The following CCDC171 variants were observed in gnomAD, a reference collection of about 807,000 sequenced individuals.
CCDC171 encodes coiled-coil domain-containing protein 171.
CCDC171 carries 177 observed loss-of-function variants against 168.2 expected under a neutral mutation model. That is an observed-to-expected ratio of 1.05 (90% CI 0.93 to 1.19). The LOEUF (loss-of-function observed/expected upper bound fraction) is 1.19, where lower values mean the gene tolerates loss of function less well. Ranked by LOEUF, CCDC171 falls within the 50% of genes most tolerant of loss-of-function variation. CCDC171 has a pLI of 0.00. For missense variants in CCDC171, 1,991 were observed against 1,539.0 expected, an observed-to-expected ratio of 1.29 and a Z score of -4.91; for synonymous variants, 687 against 540.8, an observed-to-expected ratio of 1.27 and a Z score of -3.75.
At chr9:15,778,672 A>G (rs1381028076) in intron 19 of CCDC171, among the ~76,000 whole-genome samples, 1 of 149,448 alleles carries the variant, frequency 6.7e-6, no homozygotes, top group East Asian at 1.9e-4. Flanking sequence ...AAAAGGCATG[A>G]CATTAGTGCT....
chr9:16,049,024 A>G (rs1034692581), intron 1 of CCDC171, among the ~76,000 whole-genome samples: 10 of 151,956 alleles, frequency 6.6e-5, no homozygotes, highest in African/African-American at 9.7e-5. Flanking sequence ...AAAAATTACA[A>G]TCCCTAAAGT....
chr9:15,887,216 CATT>C (rs1197907312), intron 24 of CCDC171, among the ~76,000 whole-genome samples: 1 of 152,056 alleles, frequency 6.6e-6, no homozygotes, highest in African/African-American at 2.4e-5. Context: ...TAAATAATCA[CATT>C]ATATCCCTTA....
chr9:15,571,521 G>C (rs920261673), intron 2 of CCDC171, 103 bp from the exon 3 acceptor site: 5 of 932,120 alleles, frequency 5.4e-6, no homozygotes, highest in Non-Finnish European at 1.6e-6. Flanking sequence ...ACCATGTCAT[G>C]TTCTCTTTGT....
At position 15,810,594 on chromosome 9, in the gene CCDC171, C is replaced by A. The variant is rs183332223; in HGVS notation, c.3267+25900C>A. Among the ~76,000 whole-genome samples the A allele has an allele frequency of 3.3e-5, 5 of 152,256 alleles. No homozygotes were observed. In the East Asian group the frequency reaches 7.7e-4, roughly 24 times the overall value. ...GGCGACAATTTGAGCACGGTGCGGG[C>A]GGGCCGGCAGTGCTGGGGAATCTGG... On this transcript the variant is annotated intron_variant, in intron 21 of 25. Coordinates refer to ENST00000380701, the MANE Select transcript of CCDC171 (RefSeq NM_173550.4).
At chr9:15,712,712 A>G (rs529678624) in intron 11 of CCDC171, among the ~76,000 whole-genome samples, 2 of 152,228 alleles carry the variant, frequency 1.3e-5, no homozygotes, top group African/African-American at 4.8e-5. Context: ...TTGCTATCTC[A>G]TCCTCCCAGA....
At chr9:15,931,452 CTTTCTTTTTT>C (rs1452842973) in intron 25 of CCDC171, among the ~76,000 whole-genome samples, 2 of 75,952 alleles carry the variant, frequency 2.6e-5, no homozygotes, top group African/African-American at 8.9e-5. Flanking sequence ...TTCTTTCTTT[CTTTCTTTTTT>C]TTTTTTTTTT....
chr9:15,945,945 A>T (rs1828313533), intron 25 of CCDC171, among the ~76,000 whole-genome samples: 1 of 150,864 alleles, frequency 6.6e-6, no homozygotes, highest in African/African-American at 2.4e-5. Flanking sequence ...TTAGACATGA[A>T]GTCCTTGCCC....
intron 25 of CCDC171, among the ~76,000 whole-genome samples, chr9:15,954,091 A>G (rs1001012157): frequency 2.2e-4 from 32 of 148,138 alleles, no homozygotes; most frequent in African/African-American, 5.9e-4. Context: ...AAGTTTGTCA[A>G]TTTTGTTGGT....
At chr9:15,988,989 T>A (rs1429028589) in intron 3 of CCDC171, among the ~76,000 whole-genome samples, 16 of 152,098 alleles carry the variant, frequency 1.1e-4, no homozygotes. Flanking sequence ...CTCTGTAGAC[T>A]CCACCTCTGG....
At chr9:16,038,364 C>A (rs1398747473), upstream of CCDC171, among the ~76,000 whole-genome samples, 2 of 152,018 alleles carry the variant, frequency 1.3e-5, no homozygotes, top group Non-Finnish European at 2.9e-5. Flanking sequence ...AGTTAATAAT[C>A]TTGACAGATT....
At chr9:15,811,290 C>A (rs1373221244) in intron 21 of CCDC171, among the ~76,000 whole-genome samples, 1 of 152,194 alleles carries the variant, frequency 6.6e-6, no homozygotes, top group African/African-American at 2.4e-5. Context: ...AGGAAAAGTC[C>A]TTTGAAGGCA....
intron 1 of CCDC171, among the ~76,000 whole-genome samples, chr9:16,055,634 G>T (rs568003519): frequency 6.6e-6 from 1 of 152,376 alleles, no homozygotes; most frequent in South Asian, 2.1e-4. Flanking sequence ...TTTGGCAAAT[G>T]AAACGTGTAA....
At chr9:15,838,059 A>G (rs2060522871) in intron 21 of CCDC171, among the ~76,000 whole-genome samples, 1 of 152,154 alleles carries the variant, frequency 6.6e-6, no homozygotes, top group African/African-American at 2.4e-5. Context: ...TATTTCTGCT[A>G]TGATGTAGGG....
chr9:15,967,731 A>G (rs1217810745), intron 25 of CCDC171, among the ~76,000 whole-genome samples: 3 of 152,210 alleles, frequency 2.0e-5, no homozygotes, highest in African/African-American at 4.8e-5. Context: ...TCAGTCTAGT[A>G]TTCTTTTAAT....
At chr9:15,577,228 A>G (rs999125013) in intron 3 of CCDC171, among the ~76,000 whole-genome samples, 1 of 152,160 alleles carries the variant, frequency 6.6e-6, no homozygotes, top group Non-Finnish European at 1.5e-5. Context: ...TTTTAAAGTC[A>G]CCATAAAAAC....
At chr9:16,070,941 G>C in the CCDC171 span, among the ~76,000 whole-genome samples, 4 of 152,216 alleles carry the variant, frequency 2.6e-5, no homozygotes, top group Admixed American at 6.5e-5. Context: ...GGCCTGACTA[G>C]AGTGACTGGT....
chr9:15,744,424 T>C lies in CCDC171; in HGVS notation c.2201T>C (p.Met734Thr), dbSNP rs1055689710. 6.2e-7 allele frequency: 1 copy of C among 1,614,032 alleles called. No individual in the cohort carries two copies. Among genetic ancestry groups the C allele is most frequent in the Non-Finnish European group, 8.5e-7 (1 of 1,180,020 alleles). Residue 734 changes from methionine (M) to threonine (T), a missense_variant, in exon 17 of 26, where the codon ATG becomes ACG. Coordinates refer to ENST00000380701, the MANE Select transcript of CCDC171 (RefSeq NM_173550.4). ...TCCTTGCTGGCAGCCTGTGCATTAA[T>C]GGCTGGTGCCTTATATCCCCTCTAT... is the stretch of plus-strand genomic sequence containing the variant. ...QMSLLAACAL[M>T]AGALYPLYSR...
intron 25 of CCDC171, among the ~76,000 whole-genome samples, chr9:15,954,634 C>T (rs926899986): frequency 6.6e-6 from 1 of 150,646 alleles, no homozygotes; most frequent in Admixed American, 6.7e-5. Flanking sequence ...ATCTCAGCCT[C>T]AGTAATTTCT....
At chr9:15,628,361 G>A (rs535464240) in intron 7 of CCDC171, among the ~76,000 whole-genome samples, 25 of 152,276 alleles carry the variant, frequency 1.6e-4, no homozygotes, top group East Asian at 5.8e-4. Flanking sequence ...AAAAAACGGC[G>A]CACCAGGAGA....
Sources: gnomAD v4.1 joint callset for allele counts (sites outside exome capture counted in the v4.1 genomes callset) on GRCh38, gnomAD v4.1.1 for gene constraint, MANE v1.5 for transcripts, NCBI Gene and HGNC (gene_info 2026-07-23, HGNC 2026-07-21) for gene names.